IL1RAPL2: variants seen among roughly 807,000 people sequenced by gnomAD.
IL1RAPL2 encodes the protein X-linked interleukin-1 receptor accessory protein-like 2.
In IL1RAPL2, 3 loss-of-function variants were observed where a neutral mutation model predicts 44.1. The observed-to-expected ratio is 0.07, with a 90% CI of 0.03 to 0.18. The LOEUF is 0.18. Ranked by LOEUF, IL1RAPL2 falls within the 10% of genes least tolerant of loss-of-function variation. IL1RAPL2 has a pLI of 1.00. For missense variants in IL1RAPL2, 391 were observed against 496.4 expected (o/e 0.79, Z 2.02); for synonymous variants, 181 against 178.8 (o/e 1.01, Z -0.10).
At chrX:105,492,085 A>G (rs1453229151) in intron 6 of IL1RAPL2, among the ~76,000 whole-genome samples, 7 of 111,704 alleles carry the variant, frequency 6.3e-5, no homozygotes, top group Non-Finnish European at 1.3e-4. Context: ...CCATTATTTC[A>G]TATATTTGAA....
rs765665412 is a variant in IL1RAPL2 at position 104,936,841 on chromosome X, C to T, written c.83-258634C>T. Among the ~76,000 whole-genome samples, 488 of 110,545 alleles carry T rather than the reference C, an allele frequency of 4.4e-3. 3 individuals carry two copies. The highest frequency in any genetic ancestry group is 0.015 in the African/African-American group (462 of 30,387). On this transcript the variant is annotated intron_variant, in intron 2 of 10. Coordinates refer to ENST00000372582, the MANE Select transcript of IL1RAPL2 (RefSeq NM_017416.2). ...CAGAATGGTCTCGATCTCCTGACCT[C>T]GTGATCCACCCGCCTCGGCCTCCCA... is the stretch of plus-strand genomic sequence containing the variant.
intron 4 of IL1RAPL2, among the ~76,000 whole-genome samples, chrX:105,243,022 CTGGG>C (rs1295740950): frequency 1.8e-5 from 2 of 110,368 alleles, no homozygotes; most frequent in Non-Finnish European, 3.8e-5. Flanking sequence ...TCACTTGAAC[CTGGG>C]AGGCAGAGGT....
intron 2 of IL1RAPL2, among the ~76,000 whole-genome samples, chrX:104,939,050 CTTTTTTT>C (rs60881835): frequency 1.1e-4 from 9 of 81,497 alleles, no homozygotes; most frequent in African/African-American, 3.6e-4. Context: ...TGCATGCTAG[CTTTTTTT>C]TTTTTTTTTT....
At chrX:105,307,046 G>A (rs779786970) in intron 5 of IL1RAPL2, among the ~76,000 whole-genome samples, 1 of 109,586 alleles carries the variant, frequency 9.1e-6, no homozygotes, top group Non-Finnish European at 1.9e-5. Context: ...GGGTGAGCGC[G>A]AGTGTGAGTG....
At chrX:104,939,848 C>T (rs912450049) in intron 2 of IL1RAPL2, among the ~76,000 whole-genome samples, 1 of 111,382 alleles carries the variant, frequency 9.0e-6, no homozygotes, top group Non-Finnish European at 1.9e-5. Context: ...TAACCTACAC[C>T]GTATATTATC....
intron 6 of IL1RAPL2, among the ~76,000 whole-genome samples, chrX:105,576,066 A>G (rs979056387): frequency 2.7e-5 from 3 of 111,081 alleles, no homozygotes; most frequent in Admixed American, 9.6e-5. Flanking sequence ...TGGATATTAG[A>G]CCTCTGTGAG....
rs754279882 is a variant in IL1RAPL2, at chrX:105,669,368, A to G, written c.773-47999A>G. Among the ~76,000 whole-genome samples, 183 of 111,328 alleles carry G rather than the reference A, an allele frequency of 1.6e-3. 1 individual carries two copies. The highest frequency in any genetic ancestry group is 5.8e-3 in the African/African-American group (176 of 30,607). ...AGGATGTGAAAGGGGTAAACATTTT[A>G]TATTAATTATGTATAGAAAATCCTG... On this transcript the variant is annotated intron_variant, in intron 6 of 10. Transcript: ENST00000372582.
At chrX:104,914,400 G>A (rs1924346873) in intron 2 of IL1RAPL2, among the ~76,000 whole-genome samples, 1 of 111,422 alleles carries the variant, frequency 9.0e-6, no homozygotes, top group Non-Finnish European at 1.9e-5. Context: ...AAAAAGGAAA[G>A]TGTCTCATAA....
At chrX:105,736,518 A>T (rs1396825931) in intron 7 of IL1RAPL2, among the ~76,000 whole-genome samples, 1 of 111,018 alleles carries the variant, frequency 9.0e-6, no homozygotes. Context: ...ACTTAAAAAA[A>T]TTAAAAACAA....
chrX:105,227,088 G>A (rs2034023443), intron 3 of IL1RAPL2, among the ~76,000 whole-genome samples: 1 of 76,461 alleles, frequency 1.3e-5, no homozygotes, highest in African/African-American at 4.9e-5. Flanking sequence ...GGGGGAGGGG[G>A]GAGGGATAGC....
intron 2 of IL1RAPL2, among the ~76,000 whole-genome samples, chrX:104,965,547 A>G (rs2030102886): frequency 9.0e-6 from 1 of 111,599 alleles, no homozygotes; most frequent in African/African-American, 3.3e-5. Context: ...TAGAGCCCCC[A>G]TGAACATAAA....
chrX:104,613,806 GTTTTTTTTTTT>G (rs60588678), intron 1 of IL1RAPL2, among the ~76,000 whole-genome samples: 1 of 61,882 alleles, frequency 1.6e-5, no homozygotes, highest in Admixed American at 1.9e-4. Context: ...TCCAGGGCAT[GTTTTTTTTTTT>G]TTTTTTTTTT....
rs1295874447 is a variant in IL1RAPL2, at chrX:105,450,789, T to C, written c.698-33524T>C. On this transcript the variant is annotated intron_variant, in intron 5 of 10. Transcript: ENST00000372582. ...GACACATACTGGTGGATTTGATTTC[T>C]ACAACAACTTTGCGAGGAAAGTAGA... is the stretch of plus-strand genomic sequence containing the variant. 2.7e-5 allele frequency among the ~76,000 whole-genome samples: 3 copies of C among 112,091 alleles called. No homozygotes were observed. The East Asian group carries it at 8.4e-4, about 32-fold the overall frequency.
intron 5 of IL1RAPL2, among the ~76,000 whole-genome samples, chrX:105,459,857 A>G (rs1323929515): frequency 8.9e-6 from 1 of 111,855 alleles, no homozygotes; most frequent in Non-Finnish European, 1.9e-5. Context: ...TCACAATTAT[A>G]TGAAAAATAA....
chrX:105,120,318 G>T (rs190244736), intron 2 of IL1RAPL2, among the ~76,000 whole-genome samples: 1 of 109,705 alleles, frequency 9.1e-6, no homozygotes, highest in East Asian at 2.8e-4. Flanking sequence ...GGTGGAAAGA[G>T]AAGAATTACT....
intron 6 of IL1RAPL2, among the ~76,000 whole-genome samples, chrX:105,487,094 A>G (rs2036275586): frequency 9.8e-6 from 1 of 102,197 alleles, no homozygotes; most frequent in Non-Finnish European, 1.9e-5. Flanking sequence ...TCCATCTCAA[A>G]AAAAAAAAAA....
intron 2 of IL1RAPL2, among the ~76,000 whole-genome samples, chrX:104,738,413 G>A (rs1932051525): frequency 8.9e-6 from 1 of 112,145 alleles, no homozygotes; most frequent in Non-Finnish European, 1.9e-5. Context: ...ATTTTTGAAA[G>A]ATTTCATGAG....
At chrX:105,447,364 AATATAAAT>A (rs1392716212) in intron 5 of IL1RAPL2, among the ~76,000 whole-genome samples, 16 of 64,162 alleles carry the variant, frequency 2.5e-4, no homozygotes, top group East Asian at 9.9e-4. Context: ...TAAATATATA[AATATAAAT>A]ATATAAATAT....
intron 1 of IL1RAPL2, among the ~76,000 whole-genome samples, chrX:104,585,370 TTA>T (rs1928533312): frequency 2.7e-4 from 6 of 21,902 alleles, no homozygotes; most frequent in African/African-American, 1.7e-3. Flanking sequence ...ATTATATATA[TTA>T]TATATAATAT....
Sources: allele counts gnomAD v4.1 joint callset (sites outside exome capture counted in the v4.1 genomes callset), GRCh38; gene constraint gnomAD v4.1.1; transcripts MANE v1.5; gene names NCBI Gene and HGNC (gene_info 2026-07-23, HGNC 2026-07-21).